Variants in CADPS observed in about 807,000 individuals in gnomAD.
CADPS encodes the protein calcium-dependent secretion activator 1.
A neutral mutation model predicts 167.3 loss-of-function variants in CADPS; 57 were observed. The ratio of observed to expected loss-of-function variants is 0.34; its 90% CI spans 0.28 to 0.42. CADPS has a LOEUF of 0.42. Among genes scored for constraint, CADPS ranks in the 20% least tolerant of loss-of-function variants. The pLI is 1.00. For missense variants in CADPS, 1,414 were observed against 1,738.1 expected, an observed-to-expected ratio of 0.81 and a Z score of 3.32; for synonymous variants, 676 against 635.3, an observed-to-expected ratio of 1.06 and a Z score of -0.96.
intron 2 of CADPS, among the ~76,000 whole-genome samples, chr3:62,755,506 C>A (rs1332577769): frequency 1.3e-5 from 2 of 152,216 alleles, no homozygotes; most frequent in Admixed American, 6.5e-5. Context: ...ATTCCCCTGT[C>A]AGATTTCAGG....
rs373525686 is a variant in CADPS at position 62,672,110 on chromosome 3, A to G, written c.889-9716T>C. 7.4e-4 allele frequency among the ~76,000 whole-genome samples: 112 copies of G among 151,988 alleles called. No individual in the cohort carries two copies. In the South Asian group the frequency reaches 7.5e-3, roughly 10 times the overall value. Reference sequence around the variant, plus strand: ...TTTTAAAACCCTCCGAGTGATTCCAACGTGCAGCCAGGATTGAAAACCTCT... The same window carrying G: ...TTTTAAAACCCTCCGAGTGATTCCAGCGTGCAGCCAGGATTGAAAACCTCT... On this transcript the variant is annotated intron_variant, in intron 3 of 29. Coordinates refer to ENST00000383710, the MANE Select transcript of CADPS (RefSeq NM_003716.4).
chr3:62,818,342 A>G (rs1427982243), intron 1 of CADPS, among the ~76,000 whole-genome samples: 1 of 152,180 alleles, frequency 6.6e-6, no homozygotes, highest in Non-Finnish European at 1.5e-5. Flanking sequence ...ACAACTCAAT[A>G]GCAAAAAGTC....
At chr3:62,614,372 C>A (rs2061942620) in intron 6 of CADPS, among the ~76,000 whole-genome samples, 1 of 152,168 alleles carries the variant, frequency 6.6e-6, no homozygotes, top group Non-Finnish European at 1.5e-5. Flanking sequence ...CTGATGAATC[C>A]ACTGCAGGAT....
Position 62,466,431 on chromosome 3 carries a change from CA to C in CADPS, c.3478-19del, listed in dbSNP as rs1474370634. On this transcript the variant is annotated intron_variant, in intron 24 of 29. Coordinates refer to ENST00000383710, the MANE Select transcript of CADPS (RefSeq NM_003716.4). Reference sequence around the variant, plus strand: ...TATTGATGCTAAGAACACAGAAAGACAAATATTAGCATGTTTGGGAGGTGAT... The same window carrying C: ...TATTGATGCTAAGAACACAGAAAGACAATATTAGCATGTTTGGGAGGTGAT... The C allele has an allele frequency of 3.3e-6, 5 of 1,519,782 alleles. No homozygotes were observed. Among genetic ancestry groups the C allele is most frequent in the Non-Finnish European group, 3.7e-6 (4 of 1,095,600 alleles). The allele number at this position is 1,519,782 out of a possible 1,614,324, so 94.1% of individuals were successfully genotyped here.
intron 28 of CADPS, among the ~76,000 whole-genome samples, chr3:62,418,395 G>T (rs1273939913): frequency 1.4e-5 from 2 of 142,226 alleles, no homozygotes; most frequent in African/African-American, 5.2e-5. Context: ...GGCAATCTCA[G>T]CTTAAAGCAG....
chr3:62,853,239 C>T (rs981359884), intron 1 of CADPS, among the ~76,000 whole-genome samples: 2 of 152,140 alleles, frequency 1.3e-5, no homozygotes, highest in African/African-American at 4.8e-5. Flanking sequence ...TATAATTCTA[C>T]CAGGTCAAGT....
chr3:62,555,002 C>T (rs1304900867), intron 10 of CADPS, among the ~76,000 whole-genome samples: 1 of 152,178 alleles, frequency 6.6e-6, no homozygotes, highest in Non-Finnish European at 1.5e-5. Flanking sequence ...ATCTGCCCAC[C>T]TCAGCCTCCC....
At chr3:62,838,313 C>T (rs933190541) in intron 1 of CADPS, among the ~76,000 whole-genome samples, 2 of 152,156 alleles carry the variant, frequency 1.3e-5, no homozygotes, top group Non-Finnish European at 1.5e-5. Context: ...AGAGACAACA[C>T]TTGATTTATA....
chr3:62,661,323 C>A (rs112130626), intron 4 of CADPS, among the ~76,000 whole-genome samples: 2,353 of 152,078 alleles, frequency 0.015, 61 homozygotes, highest in African/African-American at 0.053. Flanking sequence ...AACTGCTAAG[C>A]TCTTAGAGAA....
chr3:62,557,260 T>C (rs2078325186), intron 10 of CADPS, 145 bp downstream of exon 10: 2 of 629,014 alleles, frequency 3.2e-6, no homozygotes, highest in South Asian at 2.0e-5. Context: ...ATATCAGGGA[T>C]TGTGACTGTC....
chr3:62,729,570 C>T (rs1463104178), intron 3 of CADPS, among the ~76,000 whole-genome samples: 2 of 151,830 alleles, frequency 1.3e-5, no homozygotes, highest in Non-Finnish European at 1.5e-5. Context: ...AGGCAAGTTA[C>T]TTAAGCATTT....
intron 28 of CADPS, among the ~76,000 whole-genome samples, chr3:62,436,946 G>T (rs543147131): frequency 2.0e-5 from 3 of 151,846 alleles, no homozygotes; most frequent in African/African-American, 7.3e-5. Flanking sequence ...GTCAGAAGCC[G>T]CAGAATCAGA....
At chr3:62,480,949 A>G (rs1382974234) in intron 22 of CADPS, among the ~76,000 whole-genome samples, 1 of 152,156 alleles carries the variant, frequency 6.6e-6, no homozygotes, top group Non-Finnish European at 1.5e-5. Flanking sequence ...CACTCCCCCA[A>G]ACTGCTGGCT....
intron 13 of CADPS, among the ~76,000 whole-genome samples, chr3:62,520,484 T>C (rs1182606569): frequency 1.3e-5 from 2 of 152,226 alleles, no homozygotes; most frequent in Non-Finnish European, 2.9e-5. Flanking sequence ...TTCTGAACAC[T>C]ATTAATCTCA....
chr3:62,518,101 T>A, intron 14 of CADPS, 48 bp downstream of exon 14: 1 of 1,309,944 alleles, frequency 7.6e-7, no homozygotes. Context: ...TAGTTTTCCC[T>A]TCCCACTCTC....
At chr3:62,856,300 C>T (rs1405429285) in intron 1 of CADPS, among the ~76,000 whole-genome samples, 2 of 151,994 alleles carry the variant, frequency 1.3e-5, no homozygotes, top group Non-Finnish European at 2.9e-5. Context: ...AATGTATAGG[C>T]CATGTATGTT....
chr3:62,443,719 G>C (rs888060369), intron 27 of CADPS, among the ~76,000 whole-genome samples: 6 of 152,212 alleles, frequency 3.9e-5, no homozygotes, highest in Admixed American at 3.9e-4. Context: ...ATGATTGTAA[G>C]TTTCCTGAGG....
chr3:62,518,120 A>G, intron 14 of CADPS, 29 bp downstream of exon 14: 1 of 1,516,538 alleles, frequency 6.6e-7, no homozygotes, highest in Non-Finnish European at 9.1e-7. Context: ...TCATCTCCTA[A>G]TTAAAGCTCT....
chr3:62,847,058 C>T (rs1419582666), intron 1 of CADPS, among the ~76,000 whole-genome samples: 4 of 152,166 alleles, frequency 2.6e-5, no homozygotes, highest in Non-Finnish European at 5.9e-5. Context: ...CTGACTAATG[C>T]TCAAACTGTC....
Sources: allele counts gnomAD v4.1 joint callset (sites outside exome capture counted in the v4.1 genomes callset), GRCh38; gene constraint gnomAD v4.1.1; transcripts MANE v1.5; gene names NCBI Gene and HGNC (gene_info 2026-07-23, HGNC 2026-07-21).